The following PGM2L1 variants were observed in gnomAD, a reference collection of about 807,000 sequenced individuals.
PGM2L1 encodes the protein phosphoglucomutase 2 like 1.
PGM2L1 carries 35 observed loss-of-function variants against 73.4 expected under a neutral mutation model. The observed-to-expected ratio is 0.48, with a 90% CI of 0.36 to 0.63. PGM2L1 has a LOEUF of 0.63. Among genes scored for constraint, PGM2L1 ranks in the 30% least tolerant of loss-of-function variants. PGM2L1 has a pLI of 0.00. For missense variants in PGM2L1, 570 were observed against 742.0 expected, an observed-to-expected ratio of 0.77 and a Z score of 2.69; for synonymous variants, 225 against 253.8, an observed-to-expected ratio of 0.89 and a Z score of 1.08.
chr11:74,344,296 T>C (rs550251942), intron 9 of PGM2L1, among the ~76,000 whole-genome samples: 58 of 152,174 alleles, frequency 3.8e-4, no homozygotes, highest in African/African-American at 1.3e-3. Context: ...CAATGAAAGG[T>C]CATGAAGCTT....
rs531701783 is a variant in PGM2L1, at chr11:74,383,307, C to T, written c.112-8725G>A. Among the ~76,000 whole-genome samples, 12 of 151,792 alleles carry T rather than the reference C, an allele frequency of 7.9e-5. No homozygotes were observed. The South Asian group carries it at 2.5e-3, about 32-fold the overall frequency. On this transcript the variant is annotated intron_variant, in intron 1 of 13. Transcript: ENST00000298198. ...ATAAACCATACATGCAATACAATTC[C>T]AAATTTGTAAAATACACATAAATGC...
chr11:74,343,747 T>C (rs948156160), intron 9 of PGM2L1, among the ~76,000 whole-genome samples: 2 of 150,430 alleles, frequency 1.3e-5, no homozygotes, highest in African/African-American at 2.4e-5. Context: ...TATTAAGGAC[T>C]GAACCAGGTG....
At chr11:74,377,947 GAA>G (rs923274359) in intron 1 of PGM2L1, among the ~76,000 whole-genome samples, 2 of 142,218 alleles carry the variant, frequency 1.4e-5, no homozygotes, top group Non-Finnish European at 1.5e-5. Context: ...GCCTAGTCAG[GAA>G]AAAAAAAAAA....
chr11:74,386,999 G>A (rs1863027281), intron 1 of PGM2L1, among the ~76,000 whole-genome samples: 1 of 152,108 alleles, frequency 6.6e-6, no homozygotes, highest in South Asian at 2.1e-4. Context: ...TAACGAAATG[G>A]GAACTATCAT....
chr11:74,333,931 C>CT lies in PGM2L1; in HGVS notation c.*2720_*2721insA, dbSNP rs1565431967. 1.3e-5 allele frequency: 2 copies of CT among 151,944 alleles called. No individual in the cohort carries two copies. Among genetic ancestry groups the CT allele is most frequent in the Non-Finnish European group, 2.9e-5 (2 of 68,004 alleles). 9.4% of individuals were successfully genotyped at this position (151,944 alleles called of 1,614,324 possible). A position where few individuals can be genotyped will look rare whatever the true frequency, so the allele number is the denominator to read the frequency against. Reference sequence around the variant, plus strand: ...AGAAAAAGATAAACATTGTAGTGCCCGAGGCTGAGACCTCCTAGCCAGCAC... The same window carrying CT: ...AGAAAAAGATAAACATTGTAGTGCCCTGAGGCTGAGACCTCCTAGCCAGCAC... On this transcript the variant is annotated 3_prime_UTR_variant, in exon 14 of 14. Coordinates refer to ENST00000298198, the MANE Select transcript of PGM2L1 (RefSeq NM_173582.6).
chr11:74,377,121 T>G (rs1049083430), intron 1 of PGM2L1, among the ~76,000 whole-genome samples: 1 of 151,088 alleles, frequency 6.6e-6, no homozygotes, highest in African/African-American at 2.4e-5. Flanking sequence ...ATAAACTAAT[T>G]ATCATTATTA....
chr11:74,354,158 G>GATGTC (rs1204110051), intron 5 of PGM2L1, among the ~76,000 whole-genome samples: 2 of 151,970 alleles, frequency 1.3e-5, no homozygotes, highest in African/African-American at 4.8e-5. Context: ...ATCATGGAGT[G>GATGTC]ACAGAACCAT....
intron 1 of PGM2L1, among the ~76,000 whole-genome samples, chr11:74,378,068 G>A (rs186297837): frequency 2.9e-3 from 441 of 152,202 alleles, no homozygotes; most frequent in Non-Finnish European, 4.8e-3. Context: ...TTGGGAGGTC[G>A]AGGCGGGCGG....
chr11:74,376,798 A>T (rs1862861201), intron 1 of PGM2L1, among the ~76,000 whole-genome samples: 1 of 152,092 alleles, frequency 6.6e-6, no homozygotes, highest in African/African-American at 2.4e-5. Context: ...AGTTAGAGAA[A>T]AATAAAAATG....
At chr11:74,384,363 T>C (rs1862991583) in intron 1 of PGM2L1, among the ~76,000 whole-genome samples, 1 of 152,094 alleles carries the variant, frequency 6.6e-6, no homozygotes, top group Non-Finnish European at 1.5e-5. Context: ...ATGAGATTAC[T>C]CTTACTTCTG....
At chr11:74,384,182 T>G (rs911139168) in intron 1 of PGM2L1, among the ~76,000 whole-genome samples, 8 of 152,182 alleles carry the variant, frequency 5.3e-5, no homozygotes, top group East Asian at 1.9e-4. Context: ...TATTTTTCAC[T>G]GACCTATCTT....
chr11:74,338,755 G>A (rs1283222835), intron 12 of PGM2L1, among the ~76,000 whole-genome samples, 154 bp from the exon 13 acceptor site: 2 of 152,276 alleles, frequency 1.3e-5, no homozygotes, highest in East Asian at 1.9e-4. Context: ...GCCAAGGCAG[G>A]GGGTATAGGG....
At chr11:74,367,115 TC>T (rs527385558) in intron 5 of PGM2L1, among the ~76,000 whole-genome samples, 105 of 152,268 alleles carry the variant, frequency 6.9e-4, no homozygotes, top group African/African-American at 2.2e-3. Flanking sequence ...TAAAAAATGA[TC>T]CTTGGTTTTT....
At chr11:74,370,843 G>A in intron 4 of PGM2L1, 59 bp downstream of exon 4, 1 of 1,405,310 alleles carries the variant, frequency 7.1e-7, no homozygotes, top group Non-Finnish European at 1.0e-6. Context: ...AATCCTAGTT[G>A]ATTTAAGAAA....
At chr11:74,372,424 A>G (rs1248563145) in intron 2 of PGM2L1, among the ~76,000 whole-genome samples, 1 of 152,236 alleles carries the variant, frequency 6.6e-6, no homozygotes, top group Non-Finnish European at 1.5e-5. Flanking sequence ...ATGAAAAAGT[A>G]TTTCATATTG....
At chr11:74,362,679 A>T (rs961829011) in intron 5 of PGM2L1, among the ~76,000 whole-genome samples, 7 of 152,192 alleles carry the variant, frequency 4.6e-5, no homozygotes, top group African/African-American at 1.4e-4. Flanking sequence ...CATAGGCTCA[A>T]AATAAAGGGA....
intron 12 of PGM2L1, among the ~76,000 whole-genome samples, chr11:74,341,137 A>G (rs1220036682): frequency 6.6e-6 from 1 of 152,160 alleles, no homozygotes; most frequent in Non-Finnish European, 1.5e-5. Flanking sequence ...TCCATTCCAC[A>G]CATCTTACCC....
chr11:74,340,147 AAG>A (rs1336642071), intron 12 of PGM2L1, among the ~76,000 whole-genome samples: 1 of 152,234 alleles, frequency 6.6e-6, no homozygotes, highest in East Asian at 1.9e-4. Flanking sequence ...AAACATGGAA[AAG>A]AGAGAATTCA....
At chr11:74,358,680 G>A (rs1035677997) in intron 5 of PGM2L1, among the ~76,000 whole-genome samples, 15 of 152,198 alleles carry the variant, frequency 9.9e-5, no homozygotes, top group Non-Finnish European at 1.8e-4. Context: ...CTTGAGGCCA[G>A]GGGTTCAAGA....
Sources: allele counts gnomAD v4.1 joint callset (sites outside exome capture counted in the v4.1 genomes callset), GRCh38; gene constraint gnomAD v4.1.1; transcripts MANE v1.5; gene names NCBI Gene and HGNC (gene_info 2026-07-23, HGNC 2026-07-21).